Variants in ARID2 observed in about 807,000 individuals in gnomAD.
ARID2 encodes the protein AT-rich interaction domain 2.
ARID2 carries 32 observed loss-of-function variants against 184.6 expected under a neutral mutation model. The ratio of observed to expected loss-of-function variants is 0.17; its 90% CI spans 0.13 to 0.23. The LOEUF (loss-of-function observed/expected upper bound fraction) is 0.23. ARID2 is among the 10% of genes least tolerant of loss of function. ARID2 has a pLI of 1.00. For missense variants in ARID2, 1,696 were observed against 2,197.6 expected (o/e 0.77, Z 4.56); for synonymous variants, 836 against 772.6 (o/e 1.08, Z -1.36).
intron 15 of ARID2, among the ~76,000 whole-genome samples, chr12:45,854,086 C>T (rs774407938): frequency 2.9e-4 from 44 of 152,268 alleles, no homozygotes; most frequent in Middle Eastern, 3.4e-3. Flanking sequence ...GGACCACAAG[C>T]CCTATCGTGA....
At chr12:45,824,500 A>G (rs895573384) in intron 6 of ARID2, among the ~76,000 whole-genome samples, 15 of 152,042 alleles carry the variant, frequency 9.9e-5, no homozygotes, top group Non-Finnish European at 2.1e-4. Flanking sequence ...AAGACTTACA[A>G]ATGGCCAAAA....
intron 20 of ARID2, among the ~76,000 whole-genome samples, chr12:45,900,144 T>G (rs561083489): frequency 6.6e-6 from 1 of 152,278 alleles, no homozygotes; most frequent in East Asian, 1.9e-4. Flanking sequence ...CATTTCAACC[T>G]TTGCCTCCCA....
At chr12:45,897,879 C>T (rs984235145) in intron 20 of ARID2, among the ~76,000 whole-genome samples, 1 of 151,722 alleles carries the variant, frequency 6.6e-6, no homozygotes, top group Non-Finnish European at 1.5e-5. Context: ...GGGTCTCACT[C>T]AGTTGCCCAG....
chr12:45,814,372 G>A (rs1296893688), intron 4 of ARID2, among the ~76,000 whole-genome samples: 7 of 152,130 alleles, frequency 4.6e-5, no homozygotes, highest in Non-Finnish European at 1.0e-4. Flanking sequence ...AAATATGGAC[G>A]GGCGCGGTGT....
At chr12:45,845,949 T>C (rs1307609924) in intron 11 of ARID2, 1 of 152,196 alleles carries the variant, frequency 6.6e-6, no homozygotes, top group Non-Finnish European at 1.5e-5. Flanking sequence ...TTCAGACTTA[T>C]AATTTATAAT....
In ARID2 at chr12:45,905,591, G is replaced by A. The variant is rs1254401989; in HGVS notation, c.*513G>A. 8.6e-6 allele frequency: 2 copies of A among 232,860 alleles called. No homozygotes were observed. Among genetic ancestry groups the A allele is most frequent in the South Asian group, 1.8e-4 (1 of 5,530 alleles). 14.4% of individuals were successfully genotyped at this position (232,860 alleles called of 1,614,324 possible). On this transcript the variant is annotated 3_prime_UTR_variant, in exon 21 of 21. Transcript: ENST00000334344. ...GGCCACCAATATCTAGCTATGGATCGTGTGTTTTGTTTAGAAATCAGTAGC... is the reference window on the plus strand; with the variant it reads ...GGCCACCAATATCTAGCTATGGATCATGTGTTTTGTTTAGAAATCAGTAGC...
intron 16 of ARID2, among the ~76,000 whole-genome samples, chr12:45,868,309 C>T (rs1176124687): frequency 6.6e-6 from 1 of 152,120 alleles, no homozygotes; most frequent in Admixed American, 6.6e-5. Flanking sequence ...GGCATGGTGG[C>T]GGGTACCTGT....
rs773389958 is a variant in ARID2, at chr12:45,906,320, C to T, written c.*1242C>T. On this transcript the variant is annotated 3_prime_UTR_variant, in exon 21 of 21. Transcript: ENST00000334344. ...ATTCCTGCTCAGAAACTGCTCACTT[C>T]CTTAAATTGTCTTTTTTCCCCCAGC... 1 of 233,178 alleles carries T rather than the reference C, an allele frequency of 4.3e-6. No homozygotes were observed. 14.4% of individuals were successfully genotyped at this position (233,178 alleles called of 1,614,324 possible).
chr12:45,730,799 G>A (rs1049055786), intron 2 of ARID2, among the ~76,000 whole-genome samples: 18 of 151,818 alleles, frequency 1.2e-4, no homozygotes, highest in African/African-American at 4.1e-4. Context: ...GAGAGGGATC[G>A]GAATCGGCCC....
Position 45,903,383 on chromosome 12 carries a change from A to G in ARID2, c.5364-1551A>G, listed in dbSNP as rs551347640. ...AAGGATTGGTGACTCATAAGATGTT[A>G]AAAGTTTGCTACATGATGCCAACCA... On this transcript the variant is annotated intron_variant, in intron 20 of 20. Transcript: ENST00000334344. 3.7e-4 allele frequency among the ~76,000 whole-genome samples: 56 copies of G among 152,318 alleles called. 1 individual carries two copies. In the Middle Eastern group the frequency reaches 0.017, roughly 46 times the overall value.
At chr12:45,824,126 AT>A (rs1942950591) in intron 6 of ARID2, among the ~76,000 whole-genome samples, 1 of 152,114 alleles carries the variant, frequency 6.6e-6, no homozygotes, top group Non-Finnish European at 1.5e-5. Flanking sequence ...AAGGATGCAA[AT>A]CAATAAATGT....
chr12:45,849,821 T>C (rs539650041), intron 14 of ARID2, 45 bp downstream of exon 14: 151 of 1,540,436 alleles, frequency 9.8e-5, no homozygotes, highest in Non-Finnish European at 1.3e-4. Context: ...GATTTAATAA[T>C]AAAACTGAAT....
chr12:45,816,521 GT>G (rs1317378214), intron 4 of ARID2, among the ~76,000 whole-genome samples: 1 of 152,130 alleles, frequency 6.6e-6, no homozygotes, highest in Non-Finnish European at 1.5e-5. Context: ...TTCACAGTTT[GT>G]TACAAAGTTA....
chr12:45,796,650 A>C (rs575350266), intron 3 of ARID2, among the ~76,000 whole-genome samples: 45 of 152,212 alleles, frequency 3.0e-4, no homozygotes, highest in African/African-American at 9.9e-4. Context: ...AGTAGCTGGG[A>C]TTACAGGCAC....
intron 16 of ARID2, among the ~76,000 whole-genome samples, chr12:45,863,528 A>C: frequency 6.6e-6 from 1 of 152,110 alleles, no homozygotes; most frequent in East Asian, 1.9e-4. Flanking sequence ...TCAAGGCTAC[A>C]GTGAGCTATG....
chr12:45,890,680 TTG>T (rs1048280049), intron 16 of ARID2, among the ~76,000 whole-genome samples: 1 of 152,190 alleles, frequency 6.6e-6, no homozygotes, highest in African/African-American at 2.4e-5. Flanking sequence ...CTTTCTGACA[TTG>T]TGTTATATAA....
intron 3 of ARID2, among the ~76,000 whole-genome samples, chr12:45,788,726 T>A (rs1382347087): frequency 1.3e-5 from 2 of 152,176 alleles, no homozygotes; most frequent in Non-Finnish European, 2.9e-5. Flanking sequence ...GATGGAATTC[T>A]GAATTCTGAA....
At chr12:45,819,808 G>A (rs10880860) in intron 5 of ARID2, among the ~76,000 whole-genome samples, 87,568 of 151,258 alleles carry the variant, frequency 0.58, 26,279 homozygotes, top group African/African-American at 0.75. Context: ...CAGTGATGCA[G>A]TCTTGGCTCA....
intron 3 of ARID2, 149 bp from the exon 4 acceptor site, chr12:45,811,269 G>T: frequency 1.3e-6 from 1 of 783,884 alleles, no homozygotes; most frequent in Non-Finnish European, 1.9e-6. Flanking sequence ...CTCTAAACTG[G>T]AGTTACTGTT....
Sources: allele counts gnomAD v4.1 joint callset (sites outside exome capture counted in the v4.1 genomes callset), GRCh38; gene constraint gnomAD v4.1.1; transcripts MANE v1.5; gene names NCBI Gene and HGNC (gene_info 2026-07-23, HGNC 2026-07-21).